The following VPS39 variants were observed in gnomAD, a reference collection of about 807,000 sequenced individuals.
VPS39 encodes vam6/Vps39-like protein.
A neutral mutation model predicts 121.0 loss-of-function variants in VPS39; 70 were observed. That is an observed-to-expected ratio of 0.58 (90% CI 0.48 to 0.71). The LOEUF (loss-of-function observed/expected upper bound fraction) is 0.71. Among genes scored for constraint, VPS39 ranks in the 30% least tolerant of loss-of-function variants. The pLI, the probability that VPS39 is intolerant of heterozygous loss-of-function variation, is 0.00. For synonymous variants in VPS39, 378 were observed against 398.1 expected, an observed-to-expected ratio of 0.95 and a Z score of 0.60; for missense variants, 818 against 1,051.5, an observed-to-expected ratio of 0.78 and a Z score of 3.07.
intron 2 of VPS39, 125 bp from the exon 3 acceptor site, chr15:42,191,685 A>C: frequency 1.2e-6 from 1 of 815,094 alleles, no homozygotes; most frequent in Non-Finnish European, 1.9e-6. Flanking sequence ...AAAGACTAAA[A>C]ATCAGAGATC....
At chr15:42,200,987 G>A (rs1408562783) in intron 1 of VPS39, among the ~76,000 whole-genome samples, 1 of 152,194 alleles carries the variant, frequency 6.6e-6, no homozygotes, top group African/African-American at 2.4e-5. Context: ...AATGTCCAGA[G>A]TAGGCAAATC....
rs2049232581 is a variant in VPS39 at position 42,165,906 on chromosome 15, A to G, written c.1681-90T>C. 2.9e-5 allele frequency: 37 copies of G among 1,290,906 alleles called. No homozygotes were observed. The South Asian group carries it at 4.2e-4, about 15-fold the overall frequency. The allele number at this position is 1,290,906 out of a possible 1,614,324, so 80.0% of individuals were successfully genotyped here. On this transcript the variant is annotated intron_variant, in intron 16 of 24. Transcript: ENST00000318006. ...GCATGTGAGCGCAGGGATCAAACAG[A>G]CTTTAGGAGGGCAAGGGTACGAGAA...
Position 42,161,750 on chromosome 15 carries a change from G to A in VPS39, c.2484C>T (p.His828=). Reference sequence around the variant, plus strand: ...CTGTGATGATGCACTTCACCTGCTGGTGTAAAATCCGCTCTTCCTGGACCT... The same window carrying A: ...CTGTGATGATGCACTTCACCTGCTGATGTAAAATCCGCTCTTCCTGGACCT... The part of the protein sequence containing the change: ...FLRVQEERIL[H]QQVKCIITEE... Residue 828 remains histidine, a synonymous_variant, in exon 24 of 25, where the codon CAC becomes CAT. Transcript: ENST00000318006. 3.7e-6 allele frequency: 6 copies of A among 1,614,144 alleles called. No homozygotes were observed. Among genetic ancestry groups the A allele is most frequent in the Non-Finnish European group, 5.1e-6 (6 of 1,180,030 alleles).
chr15:42,188,798 A>T (rs2049758544), intron 5 of VPS39, among the ~76,000 whole-genome samples: 1 of 151,938 alleles, frequency 6.6e-6, no homozygotes, highest in South Asian at 2.1e-4. Context: ...CCCATCTCTA[A>T]TTTAAAAAAA....
At chr15:42,205,643 G>A (rs565943544) in intron 1 of VPS39, among the ~76,000 whole-genome samples, 1 of 152,332 alleles carries the variant, frequency 6.6e-6, no homozygotes, top group South Asian at 2.1e-4. Flanking sequence ...TTCTAGTTGT[G>A]ATGTGATACC....
chr15:42,187,918 A>C, intron 5 of VPS39, 62 bp from the exon 6 acceptor site: 1 of 1,463,872 alleles, frequency 6.8e-7, no homozygotes, highest in Non-Finnish European at 9.6e-7. Flanking sequence ...AGTGATAACT[A>C]AATTAGAGAT....
chr15:42,192,428 A>C (rs2049848122), intron 2 of VPS39, among the ~76,000 whole-genome samples: 1 of 152,198 alleles, frequency 6.6e-6, no homozygotes, highest in Non-Finnish European at 1.5e-5. Flanking sequence ...GGCTGACTCT[A>C]AAGCCTGTGC....
At position 42,159,814 on chromosome 15, in the gene VPS39, AC is replaced by A. The variant is rs2049094822; in HGVS notation, c.*939del. ...AAAGGGCCCAGAGCACAAAATCGCC[AC>A]GCACAAAGACTAAGCCAGCCTGCCT... On this transcript the variant is annotated 3_prime_UTR_variant, in exon 25 of 25. Transcript: ENST00000318006. 6.6e-6 allele frequency: 1 copy of A among 152,422 alleles called. No individual in the cohort carries two copies. The highest frequency in any genetic ancestry group is 2.1e-4 in the South Asian group (1 of 4,836). 9.4% of individuals were successfully genotyped at this position (152,422 alleles called of 1,614,324 possible).
chr15:42,204,868 A>T (rs1372213952), intron 1 of VPS39, among the ~76,000 whole-genome samples: 3 of 152,066 alleles, frequency 2.0e-5, no homozygotes, highest in African/African-American at 7.2e-5. Flanking sequence ...GTATGTATGT[A>T]TATATAGACA....
chr15:42,194,746 C>A (rs1301800079), intron 2 of VPS39, among the ~76,000 whole-genome samples: 5 of 151,914 alleles, frequency 3.3e-5, no homozygotes, highest in Non-Finnish European at 7.4e-5. Context: ...AACAAACAAA[C>A]AAAACCCACT....
intron 20 of VPS39, 24 bp from the exon 21 acceptor site, chr15:42,163,419 G>T (rs752943676): frequency 6.2e-7 from 1 of 1,614,126 alleles, no homozygotes; most frequent in Non-Finnish European, 8.5e-7. Flanking sequence ...AGTGGTGAGA[G>T]CAGGTGGTGT....
chr15:42,192,792 T>TTTTG (rs1566907425), intron 2 of VPS39, among the ~76,000 whole-genome samples: 3 of 152,194 alleles, frequency 2.0e-5, no homozygotes, highest in African/African-American at 7.2e-5. Context: ...GTTTTGTTTT[T>TTTTG]TTTTGAGACA....
At position 42,160,028 on chromosome 15, in the gene VPS39, G is replaced by C. The variant is rs550567311; in HGVS notation, c.*726C>G. On this transcript the variant is annotated 3_prime_UTR_variant, in exon 25 of 25. Transcript: ENST00000318006. ...TCTCCGAGGCATCTAGGCATGGAGTGTATGGCCAAAGAGGGTCTATTTACA... is the reference window on the plus strand; with the variant it reads ...TCTCCGAGGCATCTAGGCATGGAGTCTATGGCCAAAGAGGGTCTATTTACA... The C allele has an allele frequency of 6.6e-6, 1 of 152,468 alleles. No individual in the cohort carries two copies. The highest frequency in any genetic ancestry group is 2.1e-4 in the South Asian group (1 of 4,828). 9.4% of individuals were successfully genotyped at this position (152,468 alleles called of 1,614,324 possible).
chr15:42,164,214 G>T (rs959167828), intron 19 of VPS39, 144 bp downstream of exon 19: 83 of 1,252,150 alleles, frequency 6.6e-5, no homozygotes, highest in Non-Finnish European at 8.4e-5. Flanking sequence ...AGTCTTCAGA[G>T]AGGACAAAAC....
intron 7 of VPS39, 25 bp downstream of exon 7, chr15:42,187,246 T>C: frequency 6.4e-7 from 1 of 1,564,912 alleles, no homozygotes; most frequent in Non-Finnish European, 8.7e-7. Context: ...AAACTAATGA[T>C]ATTTGCAAAA....
At position 42,163,714 on chromosome 15, in the gene VPS39, G is replaced by A. The variant is rs766115457; in HGVS notation, c.2041C>T (p.Arg681Ter). 36 of 1,612,344 alleles carry A rather than the reference G, an allele frequency of 2.2e-5. No homozygotes were observed. The highest frequency in any genetic ancestry group is 1.7e-4 in the Admixed American group (10 of 59,766). The stretch of plus-strand genomic sequence containing the variant: ...CCCATGCGCCCCAACAGGAGAGCTC[G>A]TTCTTCTAAGAGGCCTAGGAGGAAA... ...DFPFDGLLEE[R>*]ALLLGRMGKH... Residue 681 changes from arginine to a stop codon, truncating the protein, a stop_gained, in exon 20 of 25, where the codon CGA becomes TGA. Transcript: ENST00000318006. LOFTEE classifies it high-confidence loss of function.
At position 42,191,110 on chromosome 15, in the gene VPS39, A is replaced by G; in HGVS notation, c.247+15T>C. The G allele has an allele frequency of 6.2e-7, 1 of 1,613,616 alleles. No individual in the cohort carries two copies. Among genetic ancestry groups the G allele is most frequent in the Non-Finnish European group, 8.5e-7 (1 of 1,179,522 alleles). Reference sequence around the variant, plus strand: ...CTTGTTAGACACAGGATACAAATGCAACTCCTTTTCTTACCTAACAAGCTG... The same window carrying G: ...CTTGTTAGACACAGGATACAAATGCGACTCCTTTTCTTACCTAACAAGCTG... On this transcript the variant is annotated intron_variant, in intron 4 of 24. Coordinates refer to ENST00000318006, the MANE Select transcript of VPS39 (RefSeq NM_015289.5).
intron 4 of VPS39, among the ~76,000 whole-genome samples, chr15:42,190,418 CAA>C (rs1165581359): frequency 1.3e-5 from 2 of 152,280 alleles, no homozygotes; most frequent in East Asian, 1.9e-4. Flanking sequence ...GTCAACAGCG[CAA>C]AGTGTGAGAT....
In VPS39 at chr15:42,162,131, A is replaced by G; in HGVS notation, c.2361T>C (p.Asn787=). Residue 787 remains asparagine (N), a synonymous_variant, in exon 23 of 25, where the codon AAT becomes AAC. Transcript: ENST00000318006. ...CCTTTTCCAGGAAGATGCGTATGTC[A>G]TTGATCTGAGTGTTTGCTGGCAGAA... ...LNLLPANTQI[N]DIRIFLEKVL... 6.2e-7 allele frequency: 1 copy of G among 1,614,170 alleles called. No individual in the cohort carries two copies. Among genetic ancestry groups the G allele is most frequent in the Non-Finnish European group, 8.5e-7 (1 of 1,180,028 alleles).
Sources: allele counts gnomAD v4.1 joint callset (sites outside exome capture counted in the v4.1 genomes callset), GRCh38; gene constraint gnomAD v4.1.1; transcripts MANE v1.5; gene names NCBI Gene and HGNC (gene_info 2026-07-23, HGNC 2026-07-21).